Variants in PKIA observed in about 807,000 individuals in gnomAD.
PKIA encodes PKI-alpha.
A neutral mutation model predicts 7.6 loss-of-function variants in PKIA; 4 were observed. That is an observed-to-expected ratio of 0.52 (90% CI 0.26 to 1.20). The LOEUF is 1.20. Among genes scored for constraint, PKIA ranks in the 50% most tolerant of loss-of-function variants. The pLI is 0.13. For missense variants in PKIA, 73 were observed against 86.2 expected (o/e 0.85, Z 0.61); for synonymous variants, 21 against 30.7 (o/e 0.68, Z 1.04).
At chr8:78,588,026 T>C (rs1807994723) in intron 2 of PKIA, among the ~76,000 whole-genome samples, 1 of 152,184 alleles carries the variant, frequency 6.6e-6, no homozygotes, top group Non-Finnish European at 1.5e-5. Flanking sequence ...GTGCCATACA[T>C]TGTAGTGGAT....
At chr8:78,528,003 T>C (rs904522235) in intron 1 of PKIA, among the ~76,000 whole-genome samples, 4 of 152,130 alleles carry the variant, frequency 2.6e-5, no homozygotes, top group Non-Finnish European at 5.9e-5. Flanking sequence ...ATCTGTTTTT[T>C]AGGTATTTCT....
At chr8:78,542,300 C>T (rs1806714114) in intron 1 of PKIA, among the ~76,000 whole-genome samples, 1 of 152,112 alleles carries the variant, frequency 6.6e-6, no homozygotes, top group Admixed American at 6.6e-5. Flanking sequence ...CAGGCCACTT[C>T]CTATTCACCC....
At chr8:78,527,103 G>C (rs535706395) in intron 1 of PKIA, among the ~76,000 whole-genome samples, 160 of 152,148 alleles carry the variant, frequency 1.1e-3, no homozygotes, top group Admixed American at 2.3e-3. Context: ...GTCTCTTCAT[G>C]TATTCCTGGG....
At chr8:78,579,941 T>A (rs1480815367) in intron 2 of PKIA, among the ~76,000 whole-genome samples, 2 of 151,984 alleles carry the variant, frequency 1.3e-5, no homozygotes, top group Non-Finnish European at 2.9e-5. Context: ...TTTGTTCAGA[T>A]AAACATGGGC....
intron 2 of PKIA, among the ~76,000 whole-genome samples, chr8:78,573,515 T>C (rs1807604453): frequency 6.6e-6 from 1 of 151,936 alleles, no homozygotes; most frequent in African/African-American, 2.4e-5. Context: ...CACTGAGAAT[T>C]TTCTTTTCAT....
At chr8:78,543,618 C>G (rs973151750) in intron 1 of PKIA, among the ~76,000 whole-genome samples, 1 of 152,112 alleles carries the variant, frequency 6.6e-6, no homozygotes, top group African/African-American at 2.4e-5. Context: ...TAAACCCAGG[C>G]ATTAACGTGG....
chr8:78,582,629 T>C (rs955995810), intron 2 of PKIA, among the ~76,000 whole-genome samples: 1 of 152,110 alleles, frequency 6.6e-6, no homozygotes. Flanking sequence ...GTCTATAAAA[T>C]TAGTAAAGTT....
At chr8:78,574,402 A>T (rs1235684763) in intron 2 of PKIA, among the ~76,000 whole-genome samples, 1 of 152,004 alleles carries the variant, frequency 6.6e-6, no homozygotes, top group Non-Finnish European at 1.5e-5. Context: ...CAGAATCACT[A>T]GCTGCTAAAA....
intron 1 of PKIA, among the ~76,000 whole-genome samples, chr8:78,569,611 A>G (rs1301291751): frequency 6.6e-6 from 1 of 152,202 alleles, no homozygotes; most frequent in Non-Finnish European, 1.5e-5. Context: ...ACTACCAATT[A>G]TACCAAGAAC....
intron 1 of PKIA, among the ~76,000 whole-genome samples, chr8:78,521,733 T>G (rs1327254631): frequency 6.6e-6 from 1 of 151,982 alleles, no homozygotes; most frequent in Non-Finnish European, 1.5e-5. Flanking sequence ...TGGTAAAATA[T>G]ACGTAACATT....
chr8:78,527,609 A>G lies in PKIA; in HGVS notation c.-157+11141A>G, dbSNP rs188969196. ...GATTTTAAAGTGATTTATTTAATAA[A>G]TGAGTATGAATATGAATTTACCTAT... On this transcript the variant is annotated intron_variant, in intron 1 of 3. Transcript: ENST00000396418. Among the ~76,000 whole-genome samples the G allele has an allele frequency of 2.1e-3, 315 of 152,146 alleles. 1 individual carries two copies. Among genetic ancestry groups the G allele is most frequent in the African/African-American group, 7.2e-3 (298 of 41,564 alleles).
rs1048780468 is a variant in PKIA at position 78,603,939 on chromosome 8, A to G, written c.*2118A>G. The stretch of plus-strand genomic sequence containing the variant: ...ATAAATAGTGCTAAATTGCAAAGTC[A>G]TATGGAGCTTTGGATTTAGTTTGAC... On this transcript the variant is annotated 3_prime_UTR_variant, in exon 4 of 4. Coordinates refer to ENST00000396418, the MANE Select transcript of PKIA (RefSeq NM_006823.4). The G allele has an allele frequency of 9.2e-5, 14 of 152,010 alleles. No homozygotes were observed. The highest frequency in any genetic ancestry group is 4.4e-5 in the Non-Finnish European group (3 of 67,946). The allele number at this position is 152,010 out of a possible 1,614,324, so 9.4% of individuals were successfully genotyped here.
At chr8:78,520,154 A>G (rs1157143350) in intron 1 of PKIA, among the ~76,000 whole-genome samples, 1 of 152,216 alleles carries the variant, frequency 6.6e-6, no homozygotes, top group Non-Finnish European at 1.5e-5. Context: ...GTTATTTTCC[A>G]GAGTTATAAA....
chr8:78,560,984 C>T (rs961532062), intron 1 of PKIA, among the ~76,000 whole-genome samples: 1 of 152,154 alleles, frequency 6.6e-6, no homozygotes, highest in African/African-American at 2.4e-5. Flanking sequence ...GTCTTTACCT[C>T]TTTGAGAATA....
chr8:78,598,371 G>A lies in PKIA; in HGVS notation c.-14G>A. On this transcript the variant is annotated 5_prime_UTR_variant, in exon 3 of 4. The change creates a premature stop within an existing upstream ORF in the 5' untranslated region. Transcript: ENST00000396418. ...TTTCTTTTGTAGTCCCTGCTATGTGGATATTTGGTAGCAATGACTGATGTG... is the reference window on the plus strand; with the variant it reads ...TTTCTTTTGTAGTCCCTGCTATGTGAATATTTGGTAGCAATGACTGATGTG... 6.2e-7 allele frequency: 1 copy of A among 1,602,080 alleles called. No individual in the cohort carries two copies.
At chr8:78,593,403 G>A (rs951946190) in intron 2 of PKIA, among the ~76,000 whole-genome samples, 3 of 152,164 alleles carry the variant, frequency 2.0e-5, no homozygotes, top group African/African-American at 4.8e-5. Flanking sequence ...TTACAGGCAT[G>A]AGCCACCATG....
intron 1 of PKIA, among the ~76,000 whole-genome samples, chr8:78,548,766 T>C (rs961879111): frequency 6.6e-6 from 1 of 152,104 alleles, no homozygotes; most frequent in African/African-American, 2.4e-5. Context: ...ATTAAGAGAA[T>C]ACTATACTTT....
rs541564743 is a variant in PKIA at position 78,602,127 on chromosome 8, T to C, written c.*306T>C. On this transcript the variant is annotated 3_prime_UTR_variant, in exon 4 of 4. Coordinates refer to ENST00000396418, the MANE Select transcript of PKIA (RefSeq NM_006823.4). ...AGAGTAGCTCCGACCTAGATGATGATTCTTCCTGTAGCATCTGGCCCCTCA... is the reference window on the plus strand; with the variant it reads ...AGAGTAGCTCCGACCTAGATGATGACTCTTCCTGTAGCATCTGGCCCCTCA... 7.3e-4 allele frequency: 204 copies of C among 280,586 alleles called. 2 individuals are homozygous for C. The South Asian group carries it at 7.4e-3, about 10-fold the overall frequency. The allele number at this position is 280,586 out of a possible 1,614,324, so 17.4% of individuals were successfully genotyped here.
chr8:78,564,177 A>G (rs1228755500), intron 1 of PKIA, among the ~76,000 whole-genome samples: 1 of 151,994 alleles, frequency 6.6e-6, no homozygotes, highest in Non-Finnish European at 1.5e-5. Flanking sequence ...TATTTAAAAA[A>G]AAAGAAAAAA....
Sources: allele counts gnomAD v4.1 joint callset (sites outside exome capture counted in the v4.1 genomes callset), GRCh38; gene constraint gnomAD v4.1.1; transcripts MANE v1.5; gene names NCBI Gene and HGNC (gene_info 2026-07-23, HGNC 2026-07-21).